KANSL1: variants seen among roughly 807,000 people sequenced by gnomAD.
The protein encoded by KANSL1 is MLL1/MLL complex subunit KANSL1.
A neutral mutation model predicts 103.6 loss-of-function variants in KANSL1; 22 were observed. The observed-to-expected ratio is 0.21, with a 90% confidence interval of 0.15 to 0.30. KANSL1 has a LOEUF of 0.30. Ranked by LOEUF, KANSL1 falls within the 10% of genes least tolerant of loss-of-function variation. The probability of loss-of-function intolerance (pLI) is 1.00; values close to 1 mark genes in which losing one functional copy is unlikely to be tolerated. For synonymous variants in KANSL1, 600 were observed against 527.6 expected (o/e 1.14, Z -1.88); for missense variants, 1,337 against 1,399.8 (o/e 0.96, Z 0.72).
chr17:46,163,165 T>C (rs923279016), intron 2 of KANSL1, among the ~76,000 whole-genome samples: 2 of 152,240 alleles, frequency 1.3e-5, no homozygotes, highest in Non-Finnish European at 2.9e-5. Context: ...CTCTAATCTA[T>C]ATTCCCCATG....
At chr17:46,059,647 A>AAAAAAGAGAG (rs541946204) in intron 6 of KANSL1, among the ~76,000 whole-genome samples, 3 of 54,826 alleles carry the variant, frequency 5.5e-5, no homozygotes, top group Non-Finnish European at 6.7e-5. Context: ...AAAAAAAAAA[A>AAAAAAGAGAG]AGAGAGAGAG....
chr17:46,162,419 A>C (rs1025120161), intron 2 of KANSL1, among the ~76,000 whole-genome samples: 3 of 152,232 alleles, frequency 2.0e-5, no homozygotes, highest in Admixed American at 2.0e-4. Flanking sequence ...TCTACAAAGG[A>C]CACTCCAGGT....
chr17:46,178,370 A>G (rs2046628975), intron 1 of KANSL1, among the ~76,000 whole-genome samples: 2 of 152,280 alleles, frequency 1.3e-5, no homozygotes, highest in South Asian at 4.1e-4. Flanking sequence ...CAACCTGGGC[A>G]GTAGAATTAG....
At chr17:46,039,237 G>A (rs2077241997) in intron 8 of KANSL1, 22 bp from the exon 9 acceptor site, 1 of 1,539,642 alleles carries the variant, frequency 6.5e-7, no homozygotes. Flanking sequence ...AACAGAAAAA[G>A]AGCTGTGAAA....
At chr17:46,043,694 T>G (rs913624099) in intron 7 of KANSL1, 1 of 152,238 alleles carries the variant, frequency 6.6e-6, no homozygotes, top group Non-Finnish European at 1.5e-5. Flanking sequence ...TATGAGTCTC[T>G]CAACTCTAAA....
At chr17:46,071,117 G>A (rs2078561445) in intron 4 of KANSL1, among the ~76,000 whole-genome samples, 1 of 152,170 alleles carries the variant, frequency 6.6e-6, no homozygotes, top group Admixed American at 6.5e-5. Flanking sequence ...GCTTTAACAT[G>A]AATGTTATTG....
At chr17:46,050,759 A>G (rs12150447) in intron 6 of KANSL1, 55 bp from the exon 7 acceptor site, 3 of 1,531,098 alleles carry the variant, frequency 2.0e-6, no homozygotes, top group Non-Finnish European at 2.7e-6. Flanking sequence ...AAAGCCAGCT[A>G]CCCATTTGTT....
intron 4 of KANSL1, among the ~76,000 whole-genome samples, chr17:46,076,479 G>A (rs955038188): frequency 6.8e-6 from 1 of 147,386 alleles, no homozygotes; most frequent in South Asian, 2.1e-4. Flanking sequence ...CCGAGTGACA[G>A]GGAGAGACTT....
intron 1 of KANSL1, among the ~76,000 whole-genome samples, chr17:46,181,852 T>C (rs1274836445): frequency 7.2e-5 from 11 of 152,178 alleles, no homozygotes; most frequent in Non-Finnish European, 1.3e-4. Context: ...TTTGCCTATG[T>C]TGCTACCTCT....
At chr17:46,034,586 G>A (rs2077096944) in intron 10 of KANSL1, 3 of 344,762 alleles carry the variant, frequency 8.7e-6, no homozygotes, top group Non-Finnish European at 1.6e-5. Context: ...CTTAACTGTT[G>A]GGGTTCCTAC....
intron 2 of KANSL1, among the ~76,000 whole-genome samples, chr17:46,168,238 G>A (rs145449488): frequency 3.3e-5 from 5 of 152,330 alleles, no homozygotes; most frequent in African/African-American, 1.2e-4. Context: ...ACACTCAGAA[G>A]ATCAACAAAC....
intron 2 of KANSL1, among the ~76,000 whole-genome samples, chr17:46,115,378 A>T (rs1032597177): frequency 6.6e-6 from 1 of 152,030 alleles, no homozygotes; most frequent in Non-Finnish European, 1.5e-5. Context: ...AAGAATTTTT[A>T]AAGAGCAAAA....
At chr17:46,081,607 A>T (rs1179433821) in intron 4 of KANSL1, among the ~76,000 whole-genome samples, 1 of 152,236 alleles carries the variant, frequency 6.6e-6, no homozygotes, top group African/African-American at 2.4e-5. Flanking sequence ...CTCAGAGAAA[A>T]TTTAGTTTCC....
At chr17:46,161,853 T>C (rs973843137) in intron 2 of KANSL1, among the ~76,000 whole-genome samples, 1 of 152,162 alleles carries the variant, frequency 6.6e-6, no homozygotes, top group Non-Finnish European at 1.5e-5. Flanking sequence ...TGCTACTAAA[T>C]AGGCTGCTAG....
chr17:46,184,835 T>C (rs2046943369), intron 1 of KANSL1, among the ~76,000 whole-genome samples: 1 of 139,844 alleles, frequency 7.2e-6, no homozygotes, highest in African/African-American at 2.7e-5. Flanking sequence ...CCAGAGTATG[T>C]ACTTTTTTTT....
chr17:46,192,299 C>T (rs2047373004), intron 1 of KANSL1: 1 of 150,474 alleles, frequency 6.6e-6, no homozygotes, highest in African/African-American at 2.5e-5. Context: ...AATCCCTCTT[C>T]CTCTTTAGTT....
intron 1 of KANSL1, among the ~76,000 whole-genome samples, chr17:46,187,697 A>G (rs1034470196): frequency 1.3e-5 from 2 of 152,274 alleles, no homozygotes; most frequent in Non-Finnish European, 2.9e-5. Context: ...GCAGAAAGTA[A>G]CATTTATTAA....
At chr17:46,105,338 C>T (rs1226530109) in intron 2 of KANSL1, among the ~76,000 whole-genome samples, 1 of 152,062 alleles carries the variant, frequency 6.6e-6, no homozygotes, top group Admixed American at 6.6e-5. Flanking sequence ...TGCTTGAGGC[C>T]GAGCATGGTG....
At position 46,129,289 on chromosome 17, in the gene KANSL1, T is replaced by C. The variant is rs149337482; in HGVS notation, c.1290-34588A>G. 3.9e-5 allele frequency among the ~76,000 whole-genome samples: 6 copies of C among 152,310 alleles called. No individual in the cohort carries two copies. The East Asian group carries it at 7.7e-4, about 20-fold the overall frequency. Reference sequence around the variant, plus strand: ...TTTTGGCTGGCAAATACTGGTACGATGTCAAGCATGGAAATTAAGCACCTT... The same window carrying C: ...TTTTGGCTGGCAAATACTGGTACGACGTCAAGCATGGAAATTAAGCACCTT... On this transcript the variant is annotated intron_variant, in intron 2 of 14. Transcript: ENST00000432791.
Sources: gnomAD v4.1 joint callset for allele counts (sites outside exome capture counted in the v4.1 genomes callset) on GRCh38, gnomAD v4.1.1 for gene constraint, MANE v1.5 for transcripts, NCBI Gene and HGNC (gene_info 2026-07-23, HGNC 2026-07-21) for gene names.